DMD: variants seen among roughly 807,000 people sequenced by gnomAD.
DMD encodes the protein mutant dystrophin.
Under a neutral mutation model 330.1 loss-of-function variants are expected in DMD, and 63 were observed. The observed-to-expected ratio is 0.19, with a 90% CI of 0.16 to 0.24. The LOEUF (loss-of-function observed/expected upper bound fraction) is 0.24, where lower values mean the gene tolerates loss of function less well. Among genes scored for constraint, DMD ranks in the 10% least tolerant of loss-of-function variants. The pLI, the probability that DMD is intolerant of heterozygous loss-of-function variation, is 1.00. For synonymous variants in DMD, 1,223 were observed against 959.8 expected (o/e 1.27, Z -5.07); for missense variants, 3,344 against 2,684.1 (o/e 1.25, Z -5.43).
At chrX:32,274,771 A>C (rs774536905) in intron 43 of DMD, among the ~76,000 whole-genome samples, 35 of 112,345 alleles carry the variant, frequency 3.1e-4, no homozygotes, top group Non-Finnish European at 5.4e-4. Context: ...TGAATGGTTC[A>C]TGTTTTTTAA....
At chrX:33,011,617 G>C (rs979651666) in intron 2 of DMD, among the ~76,000 whole-genome samples, 1 of 111,969 alleles carries the variant, frequency 8.9e-6, no homozygotes. Flanking sequence ...CTCTTGGAGA[G>C]GGAAAACCAT....
chrX:31,484,180 T>C (rs1291849081), intron 57 of DMD, among the ~76,000 whole-genome samples: 2 of 111,820 alleles, frequency 1.8e-5, no homozygotes, highest in Non-Finnish European at 3.8e-5. Context: ...TTGATTTTGA[T>C]AAGTGTCTTG....
chrX:31,206,049 C>A (rs763653256), intron 66 of DMD, among the ~76,000 whole-genome samples: 1 of 112,539 alleles, frequency 8.9e-6, no homozygotes, highest in Admixed American at 9.4e-5. Flanking sequence ...AAAGGAAATT[C>A]TGTAGGGTGG....
At chrX:32,827,926 T>C (rs2078861834) in intron 4 of DMD, among the ~76,000 whole-genome samples, 1 of 111,194 alleles carries the variant, frequency 9.0e-6, no homozygotes. Flanking sequence ...CCTCCCAAAG[T>C]ACTAGGTTAC....
intron 7 of DMD, among the ~76,000 whole-genome samples, chrX:32,740,171 T>C (rs752546317): frequency 1.3e-4 from 14 of 110,057 alleles, no homozygotes; most frequent in African/African-American, 4.6e-4. Flanking sequence ...TATATTGAGA[T>C]GACCCTTCTC....
At chrX:32,116,103 C>T (rs769568119) in intron 44 of DMD, among the ~76,000 whole-genome samples, 4 of 111,942 alleles carry the variant, frequency 3.6e-5, no homozygotes, top group African/African-American at 6.5e-5. Context: ...CTTGCACCTC[C>T]TTCCTTCCCC....
intron 44 of DMD, among the ~76,000 whole-genome samples, chrX:32,165,312 CA>C (rs1176610307): frequency 1.8e-5 from 2 of 112,569 alleles, no homozygotes; most frequent in African/African-American, 6.5e-5. Context: ...TGGAGCTTAC[CA>C]AGACCATGGG....
At chrX:33,332,161 T>G (rs2054189040) in intron 1 of DMD, among the ~76,000 whole-genome samples, 1 of 111,563 alleles carries the variant, frequency 9.0e-6, no homozygotes, top group Non-Finnish European at 1.9e-5. Flanking sequence ...AATATCTATA[T>G]AGAGTGGATT....
chrX:32,750,024 C>A (rs147984432), intron 7 of DMD, among the ~76,000 whole-genome samples: 2 of 112,055 alleles, frequency 1.8e-5, no homozygotes, highest in Non-Finnish European at 3.8e-5. Context: ...GATGAAAAAA[C>A]AGACGCCTTG....
chrX:31,512,200 ATTTG>A (rs1321764845), intron 55 of DMD, among the ~76,000 whole-genome samples: 1 of 109,791 alleles, frequency 9.1e-6, no homozygotes, highest in Non-Finnish European at 1.9e-5. Context: ...TTTCTTGTAC[ATTTG>A]TTTGAGTTCA....
chrX:32,808,491 T>C (rs1280536196), intron 7 of DMD, among the ~76,000 whole-genome samples: 1 of 111,653 alleles, frequency 9.0e-6, no homozygotes, highest in Non-Finnish European at 1.9e-5. Flanking sequence ...CTAGATGATC[T>C]GAGGCAATCA....
intron 50 of DMD, among the ~76,000 whole-genome samples, chrX:31,804,140 A>G (rs1003341117): frequency 1.6e-4 from 18 of 111,362 alleles, no homozygotes; most frequent in African/African-American, 5.9e-4. Context: ...CCTGACTCAT[A>G]TGCTCAGTTA....
Position 32,040,572 on chromosome X carries a change from G to C in DMD, c.6439-72058C>G, listed in dbSNP as rs750471795. Among the ~76,000 whole-genome samples the C allele has an allele frequency of 2.1e-4, 24 of 111,775 alleles. No homozygotes were observed. The South Asian group carries it at 3.0e-3, about 14-fold the overall frequency. ...GTAGACATAAGAACTCTCTGGATGG[G>C]GGGGAGTCAAAAAGAAAGTTGGGGA... On this transcript the variant is annotated intron_variant, in intron 44 of 78. Transcript: ENST00000357033.
intron 52 of DMD, among the ~76,000 whole-genome samples, chrX:31,695,774 T>G (rs2148837526): frequency 9.1e-6 from 1 of 110,323 alleles, no homozygotes; most frequent in South Asian, 3.8e-4. Flanking sequence ...GCTGCAGTGG[T>G]GGGTGGATGG....
At chrX:33,293,995 C>T (rs185124032) in intron 1 of DMD, among the ~76,000 whole-genome samples, 4 of 111,412 alleles carry the variant, frequency 3.6e-5, no homozygotes, top group African/African-American at 6.5e-5. Flanking sequence ...TATGACCAGA[C>T]GTGGTGATAA....
chrX:31,701,459 C>T (rs189648505), intron 52 of DMD, among the ~76,000 whole-genome samples: 6 of 111,917 alleles, frequency 5.4e-5, no homozygotes, highest in African/African-American at 1.9e-4. Context: ...TCCTTACCTC[C>T]TTCTCTTCAG....
chrX:32,174,988 G>A (rs958288788), intron 44 of DMD, among the ~76,000 whole-genome samples: 1 of 111,883 alleles, frequency 8.9e-6, no homozygotes, highest in Admixed American at 9.5e-5. Context: ...AGACATTTTA[G>A]TATGGAGAGT....
At chrX:32,615,045 G>A (rs1467115647) in intron 11 of DMD, among the ~76,000 whole-genome samples, 1 of 111,186 alleles carries the variant, frequency 9.0e-6, no homozygotes, top group East Asian at 2.8e-4. Flanking sequence ...ATATAGGAGT[G>A]ATTCTGCAGG....
chrX:32,263,917 T>C (rs1003007909), intron 43 of DMD, among the ~76,000 whole-genome samples: 7 of 111,840 alleles, frequency 6.3e-5, no homozygotes, highest in African/African-American at 2.3e-4. Context: ...TAAATGAAAC[T>C]CACTTCCAAG....
Sources: allele counts gnomAD v4.1 joint callset (sites outside exome capture counted in the v4.1 genomes callset), GRCh38; gene constraint gnomAD v4.1.1; transcripts MANE v1.5; gene names NCBI Gene and HGNC (gene_info 2026-07-23, HGNC 2026-07-21).